The following GABRA5 variants were observed in gnomAD, a reference collection of about 807,000 sequenced individuals.
The protein encoded by GABRA5 is gamma-aminobutyric acid receptor subunit alpha-5.
A neutral mutation model predicts 47.3 loss-of-function variants in GABRA5; 18 were observed. The ratio of observed to expected loss-of-function variants is 0.38; its 90% CI spans 0.26 to 0.56. The LOEUF (loss-of-function observed/expected upper bound fraction) is 0.56. Among genes scored for constraint, GABRA5 ranks in the 20% least tolerant of loss-of-function variants. The pLI, the probability that GABRA5 is intolerant of heterozygous loss-of-function variation, is 0.71. For synonymous variants in GABRA5, 237 were observed against 229.3 expected (o/e 1.03, Z -0.30); for missense variants, 365 against 599.3 (o/e 0.61, Z 4.08).
At chr15:26,926,075 T>A (rs1893955716) in intron 7 of GABRA5, among the ~76,000 whole-genome samples, 1 of 152,188 alleles carries the variant, frequency 6.6e-6, no homozygotes, top group South Asian at 2.1e-4. Context: ...AGGCTCTTCT[T>A]TAGGTTCTTC....
At chr15:26,941,800 A>G (rs1189901407) in intron 9 of GABRA5, among the ~76,000 whole-genome samples, 1 of 152,138 alleles carries the variant, frequency 6.6e-6, no homozygotes, top group African/African-American at 2.4e-5. Flanking sequence ...CTCACACGGC[A>G]TGCTCCCTGT....
chr15:26,874,094 A>G (rs1389990145), intron 3 of GABRA5, among the ~76,000 whole-genome samples: 1 of 152,172 alleles, frequency 6.6e-6, no homozygotes, highest in African/African-American at 2.4e-5. Context: ...GACTCCCTTC[A>G]AGGGGAGAAG....
intron 7 of GABRA5, among the ~76,000 whole-genome samples, chr15:26,928,428 G>A (rs1031540631): frequency 6.6e-6 from 1 of 152,154 alleles, no homozygotes; most frequent in Non-Finnish European, 1.5e-5. Flanking sequence ...CAACAATCAC[G>A]TTGATGCGTT....
At chr15:26,911,479 A>T (rs1400654809) in intron 6 of GABRA5, among the ~76,000 whole-genome samples, 1 of 151,966 alleles carries the variant, frequency 6.6e-6, no homozygotes, top group African/African-American at 2.4e-5. Context: ...CAACATTGTC[A>T]GTGCAGTAAT....
Position 26,883,580 on chromosome 15 carries a change from C to CGGGGGGGGGGGGGGG in GABRA5, c.497+27_497+28insGGGGGGGGGGGGGGG. 3 of 529,046 alleles carry CGGGGGGGGGGGGGGG rather than the reference C, an allele frequency of 5.7e-6. No homozygotes were observed. The highest frequency in any genetic ancestry group is 1.0e-5 in the Non-Finnish European group (3 of 297,400). 32.8% of individuals were successfully genotyped at this position (529,046 alleles called of 1,614,324 possible). On this transcript the variant is annotated intron_variant, in intron 6 of 10. Transcript: ENST00000335625. This position sits in a 1 kb window ranked among gnomAD's most constrained non-coding sequence, Gnocchi z 4.8. Reference sequence around the variant, plus strand: ...GCGGTGAGCGCCGGGCGGGGGCGGGCGGGGCCGGGGGACGGTGCGGGGCAG... The same window carrying CGGGGGGGGGGGGGGG: ...GCGGTGAGCGCCGGGCGGGGGCGGGCGGGGGGGGGGGGGGGGGGGCCGGGGGACGGTGCGGGGCAG...
chr15:26,933,794 T>C (rs1313827272), intron 7 of GABRA5, among the ~76,000 whole-genome samples: 1 of 152,210 alleles, frequency 6.6e-6, no homozygotes, highest in East Asian at 1.9e-4. Context: ...CACGTCATTT[T>C]TACTGTCAAA....
intron 3 of GABRA5, among the ~76,000 whole-genome samples, chr15:26,871,669 A>T (rs1286491855): frequency 6.6e-6 from 1 of 152,094 alleles, no homozygotes; most frequent in Non-Finnish European, 1.5e-5. Context: ...CATGTTTTTT[A>T]TACAGTTGGG....
chr15:26,874,642 C>T (rs1294336596), intron 3 of GABRA5, among the ~76,000 whole-genome samples: 1 of 152,128 alleles, frequency 6.6e-6, no homozygotes, highest in Non-Finnish European at 1.5e-5. Context: ...AACTCCAACA[C>T]GGAATATAGA....
At chr15:26,901,806 T>C (rs2140280232) in intron 6 of GABRA5, among the ~76,000 whole-genome samples, 1 of 152,286 alleles carries the variant, frequency 6.6e-6, no homozygotes, top group Middle Eastern at 3.4e-3. Context: ...AGATCTGTGA[T>C]CCATTTTGAG....
chr15:26,941,001 C>G (rs1228090189), intron 9 of GABRA5, among the ~76,000 whole-genome samples: 1 of 152,204 alleles, frequency 6.6e-6, no homozygotes, highest in African/African-American at 2.4e-5. Flanking sequence ...CTTTCCAAAG[C>G]AGGAAAATAT....
intron 6 of GABRA5, among the ~76,000 whole-genome samples, chr15:26,885,729 A>G (rs577509735): frequency 6.6e-6 from 1 of 152,134 alleles, no homozygotes; most frequent in African/African-American, 2.4e-5. Flanking sequence ...CAGTCCATGG[A>G]AAAAGGAAGG....
At chr15:26,932,868 T>A (rs1276971191) in intron 7 of GABRA5, among the ~76,000 whole-genome samples, 1 of 152,154 alleles carries the variant, frequency 6.6e-6, no homozygotes, top group Non-Finnish European at 1.5e-5. Flanking sequence ...CACTGCATGT[T>A]CTCACTTACA....
chr15:26,883,648 G>A lies in GABRA5; in HGVS notation c.497+91G>A. On this transcript the variant is annotated intron_variant, in intron 6 of 10. Transcript: ENST00000335625. This position sits in a 1 kb window ranked among gnomAD's most constrained non-coding sequence, Gnocchi z 4.8. ...GCCGCAAGAGCTGCGCCGCGGAGCT[G>A]TTCTGACCATAGGTCTGAGACTGCG... is the stretch of plus-strand genomic sequence containing the variant. The A allele has an allele frequency of 9.5e-7, 1 of 1,055,220 alleles. No individual in the cohort carries two copies. Among genetic ancestry groups the A allele is most frequent in the South Asian group, 1.6e-5 (1 of 60,680 alleles). 65.4% of individuals were successfully genotyped at this position (1,055,220 alleles called of 1,614,324 possible). A position where few individuals can be genotyped will look rare whatever the true frequency, so the allele number is the denominator to read the frequency against.
chr15:26,930,451 C>T (rs1894073657), intron 7 of GABRA5, among the ~76,000 whole-genome samples: 1 of 152,180 alleles, frequency 6.6e-6, no homozygotes, highest in Non-Finnish European at 1.5e-5. Context: ...ACTCCTAGTT[C>T]CACCTTCCAC....
intron 7 of GABRA5, among the ~76,000 whole-genome samples, chr15:26,923,993 G>A (rs921133252): frequency 1.6e-4 from 25 of 151,552 alleles, no homozygotes; most frequent in Admixed American, 1.2e-3. Flanking sequence ...GTACTTGGTC[G>A]TTGCATCATT....
intron 7 of GABRA5, among the ~76,000 whole-genome samples, chr15:26,929,629 C>T (rs1033635228): frequency 6.6e-6 from 1 of 152,238 alleles, no homozygotes; most frequent in Admixed American, 6.5e-5. Context: ...CATTGTGCCC[C>T]CTCTGCTCTG....
Position 26,882,405 on chromosome 15 carries a change from G to A in GABRA5, c.209-761G>A, listed in dbSNP as rs368292623. Among the ~76,000 whole-genome samples the A allele has an allele frequency of 8.4e-4, 128 of 152,290 alleles. 1 individual carries two copies. The highest frequency in any genetic ancestry group is 2.8e-3 in the African/African-American group (115 of 41,572). The stretch of plus-strand genomic sequence containing the variant: ...CATCACACCGCGAGCTGCTGGAGAG[G>A]CAGGCCCACAGTGCGGCTGGAAGTT... On this transcript the variant is annotated intron_variant, in intron 4 of 10. Transcript: ENST00000335625.
At chr15:26,911,392 C>CAA (rs1310247318) in intron 6 of GABRA5, among the ~76,000 whole-genome samples, 2 of 147,774 alleles carry the variant, frequency 1.4e-5, no homozygotes, top group African/African-American at 5.0e-5. Context: ...CACACACACA[C>CAA]ACACAAACAC....
intron 4 of GABRA5, among the ~76,000 whole-genome samples, chr15:26,881,628 G>A (rs1892730756): frequency 6.6e-6 from 1 of 152,216 alleles, no homozygotes; most frequent in South Asian, 2.1e-4. Context: ...GTCTGAACTT[G>A]TTGGGTTAGG....
Sources: allele counts gnomAD v4.1 joint callset (sites outside exome capture counted in the v4.1 genomes callset), GRCh38; gene constraint gnomAD v4.1.1; non-coding constraint Gnocchi (gnomAD v3.1); transcripts MANE v1.5; gene names NCBI Gene and HGNC (gene_info 2026-07-23, HGNC 2026-07-21).